ADGRE3: variants seen among roughly 807,000 people sequenced by gnomAD.
The protein encoded by ADGRE3 is adhesion G protein-coupled receptor E3, also known as EGF-like module receptor 3.
ADGRE3 carries 88 observed loss-of-function variants against 80.1 expected under a neutral mutation model. The observed-to-expected ratio is 1.10, with a 90% CI of 0.93 to 1.31. The LOEUF (loss-of-function observed/expected upper bound fraction) is 1.31, where lower values mean the gene tolerates loss of function less well. ADGRE3 is among the 40% of genes most tolerant of loss of function. ADGRE3 has a pLI of 0.00. For synonymous variants in ADGRE3, 281 were observed against 294.8 expected, an observed-to-expected ratio of 0.95 and a Z score of 0.48; for missense variants, 715 against 776.5, an observed-to-expected ratio of 0.92 and a Z score of 0.94.
In ADGRE3 at chr19:14,638,164, G is replaced by A. The variant is rs367693909; in HGVS notation, c.1425C>T (p.Pro475=). The A allele has an allele frequency of 5.1e-5, 82 of 1,613,980 alleles. No individual in the cohort carries two copies. The highest frequency in any genetic ancestry group is 3.4e-4 in the South Asian group (31 of 91,078). ...CTGCAGAAATGGCCACAGTCACAGC[G>A]GGAACGCCATAGCCGACTGGGAACA... The part of the protein sequence containing the change: ...WIMFPVGYGV[P]AVTVAISAAS... The change falls in exon 11 of 16, where the codon CCC becomes CCT. Residue 475 remains proline (P), a synonymous_variant. Transcript: ENST00000253673.
At chr19:14,651,023 C>T in intron 7 of ADGRE3, 62 bp downstream of exon 7, 1 of 1,599,880 alleles carries the variant, frequency 6.3e-7, no homozygotes, top group South Asian at 1.1e-5. Context: ...GCTTGTTTCC[C>T]CATGACTCAC....
At chr19:14,645,550 T>A (rs774542462) in intron 8 of ADGRE3, among the ~76,000 whole-genome samples, 1 of 151,714 alleles carries the variant, frequency 6.6e-6, no homozygotes, top group Non-Finnish European at 1.5e-5. Flanking sequence ...TCCCAGCTAC[T>A]TGGGAGGCTG....
chr19:14,672,776 A>AT lies in ADGRE3; in HGVS notation c.25+1969dup, dbSNP rs908406357. 3.4e-4 allele frequency among the ~76,000 whole-genome samples: 50 copies of AT among 147,498 alleles called. 1 individual carries two copies. The highest frequency in any genetic ancestry group is 1.9e-3 in the South Asian group (9 of 4,682). ...AGGTGTGTGCCACCATGACTGGCTA[A>AT]TTTTTTTTTTTAATGTTTCTTGGAG... On this transcript the variant is annotated intron_variant, in intron 1 of 15. Coordinates refer to ENST00000253673, the MANE Select transcript of ADGRE3 (RefSeq NM_032571.5).
At chr19:14,616,424 G>A (rs2075075623), downstream of ADGRE3, among the ~76,000 whole-genome samples, 1 of 152,016 alleles carries the variant, frequency 6.6e-6, no homozygotes, top group Non-Finnish European at 1.5e-5. Context: ...ATGAGTTTGT[G>A]AAATGGTTCT....
At chr19:14,636,061 C>CTTCG (rs1568481044) in intron 11 of ADGRE3, among the ~76,000 whole-genome samples, 2 of 88,966 alleles carry the variant, frequency 2.2e-5, no homozygotes, top group African/African-American at 9.4e-5. Flanking sequence ...TCCTTCCTTC[C>CTTCG]TTTCCTTTCC....
At chr19:14,663,625 G>T in intron 2 of ADGRE3, 85 bp from the exon 3 acceptor site, 2 of 1,465,320 alleles carry the variant, frequency 1.4e-6, no homozygotes, top group East Asian at 2.5e-5. Context: ...GATCACCTGA[G>T]GTCAGGAGTT....
chr19:14,636,265 G>A (rs1041985178), intron 11 of ADGRE3, among the ~76,000 whole-genome samples: 1 of 139,650 alleles, frequency 7.2e-6, no homozygotes, highest in African/African-American at 2.7e-5. Context: ...TGTCGTTTAG[G>A]TTGGGGTGCG....
chr19:14,639,845 T>C (rs1338584293), intron 10 of ADGRE3, among the ~76,000 whole-genome samples: 1 of 152,202 alleles, frequency 6.6e-6, no homozygotes, highest in Admixed American at 6.5e-5. Context: ...GTGAGAACAC[T>C]TAAAATCTAC....
intron 1 of ADGRE3, among the ~76,000 whole-genome samples, chr19:14,674,232 C>T (rs1599660930): frequency 6.6e-6 from 1 of 152,124 alleles, no homozygotes. Context: ...TGCGGTGGCT[C>T]ATGCCTGTAA....
intron 10 of ADGRE3, 145 bp downstream of exon 10, chr19:14,641,274 A>G: frequency 1.0e-6 from 1 of 954,436 alleles, no homozygotes; most frequent in Non-Finnish European, 1.6e-6. Context: ...GGTCCCAGCT[A>G]CGATCTCAGA....
At chr19:14,613,820 G>A in the ADGRE3 span, among the ~76,000 whole-genome samples, 1 of 151,852 alleles carries the variant, frequency 6.6e-6, no homozygotes, top group Non-Finnish European at 1.5e-5. Context: ...TGAGTAGCTG[G>A]GATTACAGGT....
At position 14,619,381 on chromosome 19, in the gene ADGRE3, G is replaced by T; in HGVS notation, c.*52C>A. 1.6e-6 allele frequency: 2 copies of T among 1,275,402 alleles called. No homozygotes were observed. Among genetic ancestry groups the T allele is most frequent in the Non-Finnish European group, 2.3e-6 (2 of 874,328 alleles). The allele number at this position is 1,275,402 out of a possible 1,614,324, so 79.0% of individuals were successfully genotyped here. The stretch of plus-strand genomic sequence containing the variant: ...TTTCCTTAGCTTCATTCTTCATAAT[G>T]CCAAAGAGATCCATGGATATGATTT... On this transcript the variant is annotated 3_prime_UTR_variant, in exon 16 of 16. Transcript: ENST00000253673.
At chr19:14,613,941 C>T in the ADGRE3 span, among the ~76,000 whole-genome samples, 1 of 152,114 alleles carries the variant, frequency 6.6e-6, no homozygotes, top group African/African-American at 2.4e-5. Flanking sequence ...CCGCCTTGGC[C>T]TCTCAAAGTG....
At chr19:14,656,601 G>A (rs1461914585) in intron 5 of ADGRE3, among the ~76,000 whole-genome samples, 1 of 152,100 alleles carries the variant, frequency 6.6e-6, no homozygotes, top group Non-Finnish European at 1.5e-5. Context: ...CACTTGGCCA[G>A]TACCATCTTG....
chr19:14,641,279 C>A, intron 10 of ADGRE3, 140 bp downstream of exon 10: 1 of 1,027,738 alleles, frequency 9.7e-7, no homozygotes, highest in South Asian at 1.5e-5. Flanking sequence ...CAGCTACGAT[C>A]TCAGAAGGGT....
At chr19:14,656,067 A>G (rs759381178) in intron 5 of ADGRE3, among the ~76,000 whole-genome samples, 5 of 150,930 alleles carry the variant, frequency 3.3e-5, no homozygotes, top group Non-Finnish European at 7.4e-5. Context: ...AAAAGAGGGC[A>G]GGGTGCGGTG....
At position 14,669,870 on chromosome 19, in the gene ADGRE3, T is replaced by C. The variant is rs180907599; in HGVS notation, c.26-1018A>G. On this transcript the variant is annotated intron_variant, in intron 1 of 15. Coordinates refer to ENST00000253673, the MANE Select transcript of ADGRE3 (RefSeq NM_032571.5). ...AACAGTAGTTCTATCTTTAGTTCTT[T>C]AAGAGATCTCCAAACTCAACAAAAA... Among the ~76,000 whole-genome samples, 29 of 152,252 alleles carry C rather than the reference T, an allele frequency of 1.9e-4. No individual in the cohort carries two copies. In the East Asian group the frequency reaches 5.6e-3, roughly 29 times the overall value.
chr19:14,656,121 G>A (rs1419288542), intron 5 of ADGRE3, among the ~76,000 whole-genome samples: 4 of 151,950 alleles, frequency 2.6e-5, no homozygotes, highest in African/African-American at 9.7e-5. Flanking sequence ...CGAGGGGGGT[G>A]GATCATCTGA....
At chr19:14,657,482 T>C (rs565725814) in intron 5 of ADGRE3, among the ~76,000 whole-genome samples, 1 of 152,042 alleles carries the variant, frequency 6.6e-6, no homozygotes, top group African/African-American at 2.4e-5. Flanking sequence ...CACACGCTCA[T>C]ACACACACAC....
Sources: gnomAD v4.1 joint callset for allele counts (sites outside exome capture counted in the v4.1 genomes callset) on GRCh38, gnomAD v4.1.1 for gene constraint, MANE v1.5 for transcripts, NCBI Gene and HGNC (gene_info 2026-07-23, HGNC 2026-07-21) for gene names.